Variants in IQCH observed in about 807,000 individuals in gnomAD.
IQCH encodes the protein IQ domain-containing protein H.
Under a neutral mutation model 117.0 loss-of-function variants are expected in IQCH, and 98 were observed. The ratio of observed to expected loss-of-function variants is 0.84; its 90% CI spans 0.71 to 0.99. The LOEUF (loss-of-function observed/expected upper bound fraction) is 0.99. Ranked by LOEUF, IQCH falls within the 50% of genes least tolerant of loss-of-function variation. The probability of loss-of-function intolerance (pLI) is 0.00; values close to 1 mark genes in which losing one functional copy is unlikely to be tolerated. For synonymous variants in IQCH, 412 were observed against 448.2 expected (o/e 0.92, Z 1.02); for missense variants, 1,102 against 1,243.8 (o/e 0.89, Z 1.72).
intron 4 of IQCH, among the ~76,000 whole-genome samples, chr15:67,310,883 G>C (rs1311044060): frequency 6.6e-6 from 1 of 152,078 alleles, no homozygotes; most frequent in Non-Finnish European, 1.5e-5. Flanking sequence ...CGAGATATCT[G>C]AAAAGAAATT....
intron 16 of IQCH, among the ~76,000 whole-genome samples, chr15:67,439,881 T>A (rs151338802): frequency 0.85 from 119,471 of 140,402 alleles, 50,110 homozygotes; most frequent in Middle Eastern, 0.9. Flanking sequence ...AGAGCAAAAC[T>A]CCGTCTCAAA....
Position 67,493,323 on chromosome 15 carries a change from C to T in IQCH, c.2862-935C>T, listed in dbSNP as rs2083711821. 6.6e-6 allele frequency among the ~76,000 whole-genome samples: 1 copy of T among 152,216 alleles called. No homozygotes were observed. Among genetic ancestry groups the T allele is most frequent in the Non-Finnish European group, 1.5e-5 (1 of 68,036 alleles). ...AGGTGGTCTGTCTCCTGATCCTGAACTTGGTGTTCCTTTCACTATACCACA... is the reference window on the plus strand; with the variant it reads ...AGGTGGTCTGTCTCCTGATCCTGAATTTGGTGTTCCTTTCACTATACCACA... On this transcript the variant is annotated intron_variant, in intron 19 of 20. Transcript: ENST00000335894. This position sits in a 1 kb window ranked among gnomAD's most constrained non-coding sequence, Gnocchi z 5.1.
At chr15:67,334,486 T>C (rs1968806435) in intron 4 of IQCH, among the ~76,000 whole-genome samples, 1 of 152,200 alleles carries the variant, frequency 6.6e-6, no homozygotes, top group African/African-American at 2.4e-5. Context: ...TTACTACCTA[T>C]AACTGCATCC....
intron 4 of IQCH, among the ~76,000 whole-genome samples, chr15:67,293,074 T>G (rs1966804449): frequency 6.6e-6 from 1 of 152,214 alleles, no homozygotes; most frequent in Admixed American, 6.5e-5. Flanking sequence ...CTTGGGCAAG[T>G]CACTTAACCT....
At position 67,465,838 on chromosome 15, in the gene IQCH, C is replaced by T. The variant is rs2082918046; in HGVS notation, c.2676+541C>T. On this transcript the variant is annotated intron_variant, in intron 17 of 20. Transcript: ENST00000335894. This position sits in a 1 kb window ranked among gnomAD's most constrained non-coding sequence, Gnocchi z 5.9. ...AGTCTAGCTACGAAAATGCCACTAACCTGACCCCTCCTCTCTCTCCACAAA... is the reference window on the plus strand; with the variant it reads ...AGTCTAGCTACGAAAATGCCACTAATCTGACCCCTCCTCTCTCTCCACAAA... Among the ~76,000 whole-genome samples, 1 of 152,176 alleles carries T rather than the reference C, an allele frequency of 6.6e-6. No homozygotes were observed. Among genetic ancestry groups the T allele is most frequent in the Non-Finnish European group, 1.5e-5 (1 of 68,040 alleles).
intron 4 of IQCH, among the ~76,000 whole-genome samples, chr15:67,285,742 G>C (rs1966538574): frequency 6.6e-6 from 1 of 152,088 alleles, no homozygotes; most frequent in Non-Finnish European, 1.5e-5. Context: ...TGTCAGGTTT[G>C]TCAAAGATCA....
At chr15:67,446,611 G>A (rs577503421) in intron 16 of IQCH, among the ~76,000 whole-genome samples, 13 of 152,156 alleles carry the variant, frequency 8.5e-5, no homozygotes, top group Non-Finnish European at 1.5e-4. Flanking sequence ...CAGCCGGGAT[G>A]TAGAACATTT....
At chr15:67,267,579 G>A (rs184689905) in intron 3 of IQCH, among the ~76,000 whole-genome samples, 179 of 152,252 alleles carry the variant, frequency 1.2e-3, no homozygotes, top group African/African-American at 3.8e-3. Flanking sequence ...ACTGGAACCC[G>A]GCAGTCAGGC....
chr15:67,478,957 G>A (rs898299516), intron 18 of IQCH, among the ~76,000 whole-genome samples: 1 of 151,882 alleles, frequency 6.6e-6, no homozygotes, highest in African/African-American at 2.4e-5. Flanking sequence ...AAGAAAAGGC[G>A]CAGATAATAA....
At chr15:67,462,427 C>CAA (rs57819872) in intron 16 of IQCH, among the ~76,000 whole-genome samples, 2,157 of 117,448 alleles carry the variant, frequency 0.018, 60 homozygotes, top group African/African-American at 0.063. Context: ...GACTCCATCT[C>CAA]AAAAAAAAAA....
rs1296178528 is a variant in IQCH, at chr15:67,342,791, CTTAT to C, written c.509-1268_509-1265del. On this transcript the variant is annotated intron_variant, in intron 5 of 20. Coordinates refer to ENST00000335894, the MANE Select transcript of IQCH (RefSeq NM_001031715.3). The surrounding 1 kb of genome is among the most constrained non-coding windows in gnomAD (Gnocchi z 4.7). ...GAGTACAAAAGATTAACCTGGAGTG[CTTAT>C]TTAACATGTATGTTACTGGGCCCCA... 6.6e-6 allele frequency among the ~76,000 whole-genome samples: 1 copy of C among 152,064 alleles called. No individual in the cohort carries two copies. The highest frequency in any genetic ancestry group is 1.5e-5 in the Non-Finnish European group (1 of 68,002).
intron 14 of IQCH, among the ~76,000 whole-genome samples, chr15:67,415,356 T>C (rs2081550525): frequency 6.6e-6 from 1 of 152,172 alleles, no homozygotes; most frequent in Non-Finnish European, 1.5e-5. Flanking sequence ...ACAGACCTCC[T>C]CCCACTGTGC....
intron 13 of IQCH, among the ~76,000 whole-genome samples, chr15:67,399,017 C>A (rs371125578): frequency 2.0e-5 from 3 of 152,142 alleles, no homozygotes; most frequent in Admixed American, 6.6e-5. Flanking sequence ...TTATCTGATT[C>A]AAACTCACCC....
Position 67,342,321 on chromosome 15 carries a change from A to G in IQCH, c.509-1742A>G, listed in dbSNP as rs1318300312. On this transcript the variant is annotated intron_variant, in intron 5 of 20. Transcript: ENST00000335894. This position sits in a 1 kb window ranked among gnomAD's most constrained non-coding sequence, Gnocchi z 4.7. ...ACAGAGTCCTGTAGGACTGTAGGTC[A>G]GATAATCTTCAGAGATTCCAGCATT... Among the ~76,000 whole-genome samples, 1 of 152,216 alleles carries G rather than the reference A, an allele frequency of 6.6e-6. No individual in the cohort carries two copies. Among genetic ancestry groups the G allele is most frequent in the East Asian group, 1.9e-4 (1 of 5,196 alleles).
At chr15:67,446,858 A>G (rs1170277117) in intron 16 of IQCH, among the ~76,000 whole-genome samples, 1 of 152,170 alleles carries the variant, frequency 6.6e-6, no homozygotes, top group Non-Finnish European at 1.5e-5. Context: ...GTGAGACAGA[A>G]AGGTGTTAAG....
rs1479780273 is a variant in IQCH at position 67,456,045 on chromosome 15, A to T, written c.2506-9082A>T. 6.6e-6 allele frequency among the ~76,000 whole-genome samples: 1 copy of T among 152,220 alleles called. No individual in the cohort carries two copies. Among genetic ancestry groups the T allele is most frequent in the African/African-American group, 2.4e-5 (1 of 41,466 alleles). On this transcript the variant is annotated intron_variant, in intron 16 of 20. Transcript: ENST00000335894. This position sits in a 1 kb window ranked among gnomAD's most constrained non-coding sequence, Gnocchi z 5.1. ...TATCTTTATAAATAATAGTTGGGCC[A>T]TTGGTCTTGAAAGTAATAGAGGGAG...
chr15:67,421,281 T>C lies in IQCH; in HGVS notation c.2219-10T>C. 2 of 1,610,486 alleles carry C rather than the reference T, an allele frequency of 1.2e-6. No homozygotes were observed. The highest frequency in any genetic ancestry group is 1.7e-6 in the Non-Finnish European group (2 of 1,177,396). On this transcript the variant is annotated splice_polypyrimidine_tract_variant and intron_variant, in intron 15 of 20. Coordinates refer to ENST00000335894, the MANE Select transcript of IQCH (RefSeq NM_001031715.3). ...GTGTCCTTTCACCTACTCCATGTTT[T>C]TCCCACCAGGGGGTGTGATCGAAGC...
At chr15:67,285,585 G>A (rs1966530353) in intron 4 of IQCH, among the ~76,000 whole-genome samples, 1 of 152,134 alleles carries the variant, frequency 6.6e-6, no homozygotes, top group African/African-American at 2.4e-5. Context: ...ATAGTTTGGG[G>A]TTTTACATTT....
Position 67,473,879 on chromosome 15 carries a change from GTA to G in IQCH, c.2677-1815_2677-1814del, listed in dbSNP as rs1325350734. Among the ~76,000 whole-genome samples the G allele has an allele frequency of 3.3e-5, 5 of 151,916 alleles. No homozygotes were observed. The highest frequency in any genetic ancestry group is 7.3e-5 in the African/African-American group (3 of 41,196). On this transcript the variant is annotated intron_variant, in intron 17 of 20. Transcript: ENST00000335894. The surrounding 1 kb of genome is among the most constrained non-coding windows in gnomAD (Gnocchi z 4.9). ...ACAAGTGGGGTAAACAACTCAAGAT[GTA>G]TTAGCCTGTGGGGGCCTAACTCGTC...
Sources: gnomAD v4.1 joint callset for allele counts (sites outside exome capture counted in the v4.1 genomes callset) on GRCh38, gnomAD v4.1.1 for gene constraint, Gnocchi (gnomAD v3.1) non-coding constraint, MANE v1.5 for transcripts, NCBI Gene and HGNC (gene_info 2026-07-23, HGNC 2026-07-21) for gene names.